The following ZFHX3 variants were observed in gnomAD, a reference collection of about 807,000 sequenced individuals.
The protein encoded by ZFHX3 is zinc finger homeobox protein 3.
Under a neutral mutation model 279.1 loss-of-function variants are expected in ZFHX3, and 42 were observed. The observed-to-expected ratio is 0.15, with a 90% CI of 0.12 to 0.19. The LOEUF (loss-of-function observed/expected upper bound fraction) is 0.19, where lower values mean the gene tolerates loss of function less well. ZFHX3 is among the 10% of genes least tolerant of loss of function. The pLI is 1.00. For synonymous variants in ZFHX3, 2,293 were observed against 1,957.8 expected, an observed-to-expected ratio of 1.17 and a Z score of -4.52; for missense variants, 4,981 against 4,754.0, an observed-to-expected ratio of 1.05 and a Z score of -1.40.
intron 1 of ZFHX3, among the ~76,000 whole-genome samples, chr16:72,975,649 ATAGT>A (rs989237931): frequency 4.6e-5 from 7 of 152,214 alleles, no homozygotes; most frequent in African/African-American, 7.2e-5. Flanking sequence ...AGCGGCCCTG[ATAGT>A]TAGCTAAAAT....
At chr16:73,567,886 G>A (rs542117308) in intron 2 of ZFHX3, among the ~76,000 whole-genome samples, 1 of 152,138 alleles carries the variant, frequency 6.6e-6, no homozygotes, top group East Asian at 1.9e-4. Context: ...TTCTCAAAAG[G>A]ACATTGAACG....
chr16:72,958,294 G>C lies in ZFHX3; in HGVS notation c.1852C>G (p.Pro618Ala). The change falls in exon 2 of 10, where the codon CCC becomes GCC. Residue 618 changes from proline to alanine, a missense_variant. Pro to Ala is a conservative substitution (Grantham distance 27, BLOSUM62 -1). Transcript: ENST00000268489. ...STEGDDGGFV[P>A]HHQHAGSLCE... Reference sequence around the variant, plus strand: ...AGGGAGCCAGCGTGCTGGTGATGGGGAACGAAGCCCCCATCGTCACCCTCT... The same window carrying C: ...AGGGAGCCAGCGTGCTGGTGATGGGCAACGAAGCCCCCATCGTCACCCTCT... The C allele has an allele frequency of 1.2e-6, 2 of 1,614,012 alleles. No individual in the cohort carries two copies. The highest frequency in any genetic ancestry group is 1.7e-6 in the Non-Finnish European group (2 of 1,179,864).
At chr16:73,550,221 G>A (rs1446019419) in intron 2 of ZFHX3, among the ~76,000 whole-genome samples, 1 of 152,114 alleles carries the variant, frequency 6.6e-6, no homozygotes, top group Non-Finnish European at 1.5e-5. Context: ...GGCTCATTGA[G>A]GCAAACGGGT....
chr16:73,251,566 G>A (rs943306402), intron 5 of ZFHX3, among the ~76,000 whole-genome samples: 15 of 152,132 alleles, frequency 9.9e-5, no homozygotes, highest in African/African-American at 2.9e-4. Flanking sequence ...GACCCCAGAT[G>A]AGTAGAACCC....
intron 3 of ZFHX3, among the ~76,000 whole-genome samples, chr16:73,328,124 A>C (rs28495478): frequency 0.23 from 35,684 of 151,912 alleles, 4,745 homozygotes; most frequent in African/African-American, 0.36. Context: ...TCTTTTAAAC[A>C]ATGAGGTCTT....
chr16:73,014,121 G>A (rs1964012903), intron 1 of ZFHX3, among the ~76,000 whole-genome samples: 1 of 152,114 alleles, frequency 6.6e-6, no homozygotes, highest in African/African-American at 2.4e-5. Flanking sequence ...AGTGATGTGA[G>A]GAAGGGGCCA....
Position 73,181,368 on chromosome 16 carries a change from G to T in ZFHX3, c.-1103-37537C>A, listed in dbSNP as rs375886902. Among the ~76,000 whole-genome samples, 9 of 152,308 alleles carry T rather than the reference G, an allele frequency of 5.9e-5. No homozygotes were observed. In the East Asian group the frequency reaches 1.7e-3, roughly 29 times the overall value. On this transcript the variant is annotated intron_variant, in intron 5 of 17. Coordinates refer to the ZFHX3 transcript ENST00000641206. ...GCCTCCAAAAGTACTGGGATTACAG[G>T]CATGAGCCACCATGCCCAGCCAGCT... is the stretch of plus-strand genomic sequence containing the variant.
intron 5 of ZFHX3, among the ~76,000 whole-genome samples, chr16:73,234,340 G>A (rs2012876731): frequency 6.6e-6 from 1 of 152,264 alleles, no homozygotes; most frequent in South Asian, 2.1e-4. Context: ...GTAAATGGCT[G>A]TCTCCTCTCT....
At chr16:73,624,537 T>G (rs376414077) in intron 2 of ZFHX3, among the ~76,000 whole-genome samples, 3 of 152,048 alleles carry the variant, frequency 2.0e-5, no homozygotes, top group Admixed American at 6.6e-5. Flanking sequence ...CCATCAACAT[T>G]ATGAATTAAT....
intron 2 of ZFHX3, among the ~76,000 whole-genome samples, chr16:73,502,893 G>C (rs894101452): frequency 6.6e-6 from 1 of 152,234 alleles, no homozygotes; most frequent in Non-Finnish European, 1.5e-5. Flanking sequence ...GGCAAGCTCA[G>C]TCTTGGCTCC....
chr16:73,226,855 G>A (rs192234864), intron 5 of ZFHX3, among the ~76,000 whole-genome samples: 45 of 152,244 alleles, frequency 3.0e-4, no homozygotes, highest in African/African-American at 9.6e-4. Flanking sequence ...ATCTTCTAGC[G>A]CCTTCACGTG....
At chr16:73,787,022 AC>A (rs1207739006) in intron 1 of ZFHX3, among the ~76,000 whole-genome samples, 2 of 152,190 alleles carry the variant, frequency 1.3e-5, no homozygotes, top group African/African-American at 4.8e-5. Context: ...AATTTTAGTG[AC>A]ATTTCTTTTG....
intron 3 of ZFHX3, among the ~76,000 whole-genome samples, chr16:73,391,656 CA>C (rs1017711030): frequency 6.6e-6 from 1 of 152,066 alleles, no homozygotes; most frequent in African/African-American, 2.4e-5. Context: ...CAGACTCTAA[CA>C]TATCAAAGAG....
chr16:73,445,556 C>T (rs1429948702), intron 3 of ZFHX3, among the ~76,000 whole-genome samples: 1 of 152,112 alleles, frequency 6.6e-6, no homozygotes, highest in African/African-American at 2.4e-5. Flanking sequence ...ATCTTCCTGC[C>T]TCCCAGGCCT....
intron 3 of ZFHX3, among the ~76,000 whole-genome samples, chr16:73,348,342 A>C (rs2016159021): frequency 6.6e-6 from 1 of 152,206 alleles, no homozygotes; most frequent in Non-Finnish European, 1.5e-5. Context: ...TCTCCCTGCG[A>C]TGGGTTGTTA....
At chr16:73,052,776 G>A (rs928676854), upstream of ZFHX3, among the ~76,000 whole-genome samples, 6 of 152,180 alleles carry the variant, frequency 3.9e-5, no homozygotes, top group African/African-American at 7.2e-5. Context: ...CTGTCTCCCC[G>A]GAGCAATTGT....
At position 73,426,488 on chromosome 16, in the gene ZFHX3, T is replaced by C. The variant is rs2017811866; in HGVS notation, c.-1291+29515A>G. Reference sequence around the variant, plus strand: ...ATCAGTACAGAACTGGTCAGAATTATGAAAACCATTCTCATAATGACAGAG... The same window carrying C: ...ATCAGTACAGAACTGGTCAGAATTACGAAAACCATTCTCATAATGACAGAG... On this transcript the variant is annotated intron_variant, in intron 3 of 17. Coordinates refer to the ZFHX3 transcript ENST00000641206. Among the ~76,000 whole-genome samples the C allele has an allele frequency of 2.0e-5, 3 of 152,084 alleles. No homozygotes were observed. The South Asian group carries it at 6.3e-4, about 32-fold the overall frequency.
chr16:73,014,518 CTTTTTTTTTTTT>C (rs1000108439), intron 1 of ZFHX3: 8 of 63,408 alleles, frequency 1.3e-4, no homozygotes, highest in Non-Finnish European at 8.7e-5. Flanking sequence ...ATTTCTTCTT[CTTTTTTTTTTTT>C]TTTTTTTTTT....
rs150515783 is a variant in ZFHX3 at position 73,370,990 on chromosome 16, T to C, written c.-1290-52654A>G. On this transcript the variant is annotated intron_variant, in intron 3 of 17. Coordinates refer to the ZFHX3 transcript ENST00000641206. ...GCTCTTTGAGATAATGCTCTCCTGA[T>C]TGGAATCCTTTTGGGAAGCCAAGTT... is the stretch of plus-strand genomic sequence containing the variant. Among the ~76,000 whole-genome samples the C allele has an allele frequency of 2.2e-3, 341 of 152,204 alleles. 1 individual carries two copies. The highest frequency in any genetic ancestry group is 0.02 in the Middle Eastern group (6 of 294).
Sources: gnomAD v4.1 joint callset for allele counts (sites outside exome capture counted in the v4.1 genomes callset) on GRCh38, gnomAD v4.1.1 for gene constraint, MANE v1.5 for transcripts, NCBI Gene and HGNC (gene_info 2026-07-23, HGNC 2026-07-21) for gene names.